The following KIAA0825 variants were observed in gnomAD, a reference collection of about 807,000 sequenced individuals.
KIAA0825 encodes KIAA0825, also known as uncharacterized protein KIAA0825.
In KIAA0825, 119 loss-of-function variants were observed where a neutral mutation model predicts 147.6. That is an observed-to-expected ratio of 0.81 (90% CI 0.69 to 0.94). The LOEUF (loss-of-function observed/expected upper bound fraction) is 0.94, where lower values mean the gene tolerates loss of function less well. KIAA0825 is among the 40% of genes least tolerant of loss of function. The pLI, the probability that KIAA0825 is intolerant of heterozygous loss-of-function variation, is 0.00. For synonymous variants in KIAA0825, 470 were observed against 518.1 expected (o/e 0.91, Z 1.26); for missense variants, 1,381 against 1,472.7 (o/e 0.94, Z 1.02).
chr5:94,472,699 G>A (rs1437963093), intron 8 of KIAA0825, among the ~76,000 whole-genome samples: 2 of 152,010 alleles, frequency 1.3e-5, no homozygotes, highest in African/African-American at 2.4e-5. Context: ...AGCCGAGATC[G>A]CGCCCCTGCA....
chr5:94,295,913 T>C (rs768423337), intron 20 of KIAA0825, among the ~76,000 whole-genome samples: 61 of 152,314 alleles, frequency 4.0e-4, no homozygotes, highest in Middle Eastern at 3.4e-3. Context: ...AGGGACCCAC[T>C]TGAGGAGGCA....
intron 5 of KIAA0825, among the ~76,000 whole-genome samples, chr5:94,517,005 G>T (rs1767373715): frequency 1.3e-5 from 2 of 152,134 alleles, no homozygotes; most frequent in South Asian, 4.1e-4. Context: ...GAGGCCTGAG[G>T]CAGGAGAATC....
chr5:94,452,934 T>C (rs2150909897), intron 13 of KIAA0825, 25 bp downstream of exon 13: 1 of 1,149,276 alleles, frequency 8.7e-7, no homozygotes, highest in East Asian at 2.9e-5. Context: ...GAATTATAGA[T>C]AGTATGGCAT....
At chr5:94,154,673 T>C (rs896575475) in intron 20 of KIAA0825, among the ~76,000 whole-genome samples, 4 of 152,128 alleles carry the variant, frequency 2.6e-5, no homozygotes, top group African/African-American at 9.7e-5. Context: ...TTAGCAAGGT[T>C]CCAAAGAACA....
chr5:94,327,207 G>C (rs1383371029), intron 20 of KIAA0825, among the ~76,000 whole-genome samples: 1 of 152,046 alleles, frequency 6.6e-6, no homozygotes, highest in Admixed American at 6.6e-5. Flanking sequence ...GTGAGAGGTG[G>C]CTGAATGGCA....
chr5:94,457,001 C>A (rs1002422797), intron 12 of KIAA0825, among the ~76,000 whole-genome samples: 1 of 152,112 alleles, frequency 6.6e-6, no homozygotes, highest in Admixed American at 6.5e-5. Flanking sequence ...CTGCCAGTAC[C>A]TAAACTGTTT....
At chr5:94,414,311 A>G (rs1753158429) in intron 15 of KIAA0825, 1 of 152,204 alleles carries the variant, frequency 6.6e-6, no homozygotes, top group Non-Finnish European at 1.5e-5. Context: ...GCCTGTTCTG[A>G]CATTGTCTTA....
chr5:94,469,434 A>G (rs759964892), intron 10 of KIAA0825, among the ~76,000 whole-genome samples: 2 of 152,184 alleles, frequency 1.3e-5, no homozygotes, highest in African/African-American at 2.4e-5. Context: ...ACCCTTCCAA[A>G]GTGCTGGGAT....
At chr5:94,444,038 C>T (rs1407261359) in intron 13 of KIAA0825, among the ~76,000 whole-genome samples, 2 of 152,174 alleles carry the variant, frequency 1.3e-5, no homozygotes, top group Non-Finnish European at 2.9e-5. Flanking sequence ...AACCAACAAC[C>T]ATTATATGGT....
chr5:94,359,020 T>C (rs1012798776), intron 20 of KIAA0825, among the ~76,000 whole-genome samples: 2 of 152,360 alleles, frequency 1.3e-5, no homozygotes, highest in South Asian at 2.1e-4. Context: ...TGATGTCTTA[T>C]GGAAGGACTG....
At chr5:94,246,989 TG>T (rs1388665581) in intron 20 of KIAA0825, among the ~76,000 whole-genome samples, 1 of 152,200 alleles carries the variant, frequency 6.6e-6, no homozygotes, top group Non-Finnish European at 1.5e-5. Context: ...CTCTCTTTAT[TG>T]TCCTTACCTT....
intron 5 of KIAA0825, among the ~76,000 whole-genome samples, chr5:94,514,879 T>G (rs550874447): frequency 5.3e-5 from 8 of 152,122 alleles, no homozygotes; most frequent in Non-Finnish European, 8.8e-5. Flanking sequence ...CAGTCTTCCT[T>G]AAACAAAAGA....
At chr5:94,462,273 C>T (rs921899920) in intron 12 of KIAA0825, 114 bp downstream of exon 12, 17 of 586,418 alleles carry the variant, frequency 2.9e-5, no homozygotes, top group Non-Finnish European at 1.1e-5. Context: ...ATCAAAAATG[C>T]ACTTCAGAAG....
Position 94,151,119 on chromosome 5 carries a change from T to C in KIAA0825, c.*2888A>G, listed in dbSNP as rs1478841845. ...ACTGCTTTGAAATACCACTTCTTAT[T>C]ATACTTAAAAAAACATGGCCGGGCG... On this transcript the variant is annotated 3_prime_UTR_variant, in exon 21 of 21. Coordinates refer to ENST00000682413, the MANE Select transcript of KIAA0825 (RefSeq NM_001145678.3). Among the ~76,000 whole-genome samples, 1 of 152,058 alleles carries C rather than the reference T, an allele frequency of 6.6e-6. No homozygotes were observed. Among genetic ancestry groups the C allele is most frequent in the Non-Finnish European group, 1.5e-5 (1 of 67,994 alleles).
At chr5:94,614,088 T>G (rs977343859) in intron 1 of KIAA0825, among the ~76,000 whole-genome samples, 2 of 152,224 alleles carry the variant, frequency 1.3e-5, no homozygotes, top group African/African-American at 4.8e-5. Context: ...TTATAACATA[T>G]TCATAAAATT....
At chr5:94,587,633 T>C (rs1392885995) in intron 1 of KIAA0825, among the ~76,000 whole-genome samples, 3 of 152,188 alleles carry the variant, frequency 2.0e-5, no homozygotes, top group African/African-American at 7.2e-5. Flanking sequence ...AGGTAATTTA[T>C]AGATTCAATG....
chr5:94,245,826 A>T (rs1583953566), intron 20 of KIAA0825, among the ~76,000 whole-genome samples: 1 of 152,182 alleles, frequency 6.6e-6, no homozygotes, highest in Middle Eastern at 3.4e-3. Flanking sequence ...AATTCTTACC[A>T]TTGGCTTGGT....
chr5:94,571,121 C>T (rs1434693074), intron 2 of KIAA0825, among the ~76,000 whole-genome samples: 1 of 152,044 alleles, frequency 6.6e-6, no homozygotes, highest in Non-Finnish European at 1.5e-5. Context: ...ATAGTTTTCC[C>T]CACAGGTTCT....
chr5:94,465,069 C>G lies in KIAA0825; in HGVS notation c.1873-10G>C. 1.9e-6 allele frequency: 3 copies of G among 1,550,368 alleles called. No individual in the cohort carries two copies. Among genetic ancestry groups the G allele is most frequent in the African/African-American group, 2.7e-5 (2 of 73,126 alleles). On this transcript the variant is annotated splice_polypyrimidine_tract_variant and intron_variant, in intron 10 of 20. Transcript: ENST00000682413. ...AGGAACATCTTTCCCCCTGGCAAAGCCAGCACACGTTAAACCATAGAGTTA... is the reference window on the plus strand; with the variant it reads ...AGGAACATCTTTCCCCCTGGCAAAGGCAGCACACGTTAAACCATAGAGTTA...
Sources: gnomAD v4.1 joint callset for allele counts (sites outside exome capture counted in the v4.1 genomes callset) on GRCh38, gnomAD v4.1.1 for gene constraint, MANE v1.5 for transcripts, NCBI Gene and HGNC (gene_info 2026-07-23, HGNC 2026-07-21) for gene names.